The following FREM1 variants were observed in gnomAD, a reference collection of about 807,000 sequenced individuals.
FREM1 encodes the protein FRAS1 related extracellular matrix 1, also known as FRAS1-related extracellular matrix protein 1.
In FREM1, 220 loss-of-function variants were observed where a neutral mutation model predicts 210.1. That is an observed-to-expected ratio of 1.05 (90% CI 0.94 to 1.17). The LOEUF (loss-of-function observed/expected upper bound fraction) is 1.17, where lower values mean the gene tolerates loss of function less well. Among genes scored for constraint, FREM1 ranks in the 50% most tolerant of loss-of-function variants. The pLI, the probability that FREM1 is intolerant of heterozygous loss-of-function variation, is 0.00. For synonymous variants in FREM1, 1,189 were observed against 980.2 expected (o/e 1.21, Z -3.98); for missense variants, 3,454 against 2,675.5 (o/e 1.29, Z -6.42).
intron 25 of FREM1, 89 bp from the exon 26 acceptor site, chr9:14,770,895 T>C (rs1467540049): frequency 3.4e-6 from 3 of 891,348 alleles, no homozygotes; most frequent in Non-Finnish European, 5.3e-6. Flanking sequence ...AATGACACAC[T>C]GTCCCACGTT....
chr9:14,842,201 AT>A, intron 9 of FREM1, 114 bp downstream of exon 9: 1 of 662,422 alleles, frequency 1.5e-6, no homozygotes, highest in Non-Finnish European at 2.6e-6. Flanking sequence ...CAGAAACTTG[AT>A]GTTCACCTTA....
intron 1 of FREM1, among the ~76,000 whole-genome samples, chr9:14,884,180 G>C (rs1002034276): frequency 1.2e-4 from 18 of 152,114 alleles, no homozygotes; most frequent in African/African-American, 3.9e-4. Context: ...AGTGAGCCAA[G>C]ATCGCGCCAC....
At chr9:14,820,169 A>G (rs1821031203) in intron 13 of FREM1, among the ~76,000 whole-genome samples, 1 of 152,208 alleles carries the variant, frequency 6.6e-6, no homozygotes, top group African/African-American at 2.4e-5. Context: ...ATAAGTCTAG[A>G]AAAAAGTTAC....
rs189268567 is a variant in FREM1 at position 14,840,208 on chromosome 9, C to A, written c.1881+1239G>T. Among the ~76,000 whole-genome samples the A allele has an allele frequency of 9.2e-5, 14 of 152,252 alleles. No homozygotes were observed. The East Asian group carries it at 1.9e-3, about 21-fold the overall frequency. Reference sequence around the variant, plus strand: ...GAAGGCATTATGTGACAAATAGGACCCTTGCTTTAAGCAGTCATTCTAGAA... The same window carrying A: ...GAAGGCATTATGTGACAAATAGGACACTTGCTTTAAGCAGTCATTCTAGAA... On this transcript the variant is annotated intron_variant, in intron 10 of 36. Transcript: ENST00000380880.
intron 17 of FREM1, among the ~76,000 whole-genome samples, chr9:14,807,696 CA>C (rs2061751455): frequency 2.0e-5 from 3 of 152,000 alleles, no homozygotes; most frequent in East Asian, 1.9e-4. Context: ...CACACACACA[CA>C]CCCCAACACA....
chr9:14,900,865 G>C (rs1210540345), intron 1 of FREM1, among the ~76,000 whole-genome samples: 1 of 152,134 alleles, frequency 6.6e-6, no homozygotes, highest in East Asian at 1.9e-4. Context: ...TTTGGTAGGA[G>C]GACTCTGGGG....
chr9:14,752,849 CCAAA>C lies in FREM1; in HGVS notation c.5408-2577_5408-2574del, dbSNP rs200424771. ...TAATTTTTTAAAATTATAGTACCCC[CCAAA>C]CAAACAAACAAACAAACAAAAAACA... On this transcript the variant is annotated intron_variant, in intron 29 of 36. Coordinates refer to ENST00000380880, the MANE Select transcript of FREM1 (RefSeq NM_001379081.2). 3.6e-4 allele frequency among the ~76,000 whole-genome samples: 55 copies of C among 151,996 alleles called. 1 individual carries two copies. The South Asian group carries it at 3.7e-3, about 10-fold the overall frequency.
In FREM1 at chr9:14,805,077, G is replaced by A. The variant is rs1818111316; in HGVS notation, c.3350C>T (p.Thr1117Ile). The change falls in exon 19 of 37, where the codon ACT (threonine) becomes ATT (isoleucine). Residue 1117 changes from threonine to isoleucine, a missense_variant. By Grantham distance (89) the Thr-to-Ile change is moderately conservative (BLOSUM62 -1). Coordinates refer to ENST00000380880, the MANE Select transcript of FREM1 (RefSeq NM_001379081.2). Reference protein sequence around the residue: ...VQSRHLRIEPTADQFTVYVTD... With the variant: ...VQSRHLRIEPIADQFTVYVTD... ...GACGTACACCGTGAACTGGTCGGCA[G>A]TTGGTTCTATCCTCAGATGCCTGGA... 1 of 1,613,170 alleles carries A rather than the reference G, an allele frequency of 6.2e-7. No individual in the cohort carries two copies.
intron 1 of FREM1, among the ~76,000 whole-genome samples, chr9:14,904,507 T>C (rs1244313774): frequency 6.6e-6 from 1 of 151,572 alleles, no homozygotes; most frequent in Admixed American, 6.6e-5. Context: ...TGCATATGTA[T>C]GGAAAAGAGC....
At chr9:14,754,594 C>T (rs980035583) in intron 29 of FREM1, among the ~76,000 whole-genome samples, 1 of 152,044 alleles carries the variant, frequency 6.6e-6, no homozygotes, top group African/African-American at 2.4e-5. Flanking sequence ...TGAGGTCATA[C>T]TGGAATAAGG....
At chr9:14,874,426 CTTCT>C (rs1390550088) in intron 1 of FREM1, among the ~76,000 whole-genome samples, 1 of 150,192 alleles carries the variant, frequency 6.7e-6, no homozygotes, top group Non-Finnish European at 1.5e-5. Context: ...ATGTAATGGC[CTTCT>C]TTGTCTCTTT....
At chr9:14,861,278 C>CATATATACATATATACAT (rs1201450310) in intron 3 of FREM1, among the ~76,000 whole-genome samples, 2 of 78,636 alleles carry the variant, frequency 2.5e-5, no homozygotes, top group Non-Finnish European at 4.4e-5. Flanking sequence ...CACATATATA[C>CATATATACATATATACAT]ATATATACAT....
intron 27 of FREM1, among the ~76,000 whole-genome samples, chr9:14,768,293 C>T (rs1180681040): frequency 1.4e-5 from 2 of 147,230 alleles, no homozygotes; most frequent in Non-Finnish European, 1.5e-5. Context: ...AAAGTGAAGT[C>T]CACGTATTAA....
At chr9:14,794,795 C>T (rs141244535) in intron 21 of FREM1, among the ~76,000 whole-genome samples, 11 of 151,770 alleles carry the variant, frequency 7.2e-5, no homozygotes, top group Non-Finnish European at 1.6e-4. Flanking sequence ...GTCAGGAGAT[C>T]GAGACCATAC....
At chr9:14,906,059 T>G (rs1189145098) in intron 1 of FREM1, among the ~76,000 whole-genome samples, 2 of 152,220 alleles carry the variant, frequency 1.3e-5, no homozygotes, top group South Asian at 2.1e-4. Context: ...TTAAGTCGCT[T>G]GCCATGTTTG....
chr9:14,833,517 C>T (rs1823972707), intron 10 of FREM1, among the ~76,000 whole-genome samples: 1 of 152,200 alleles, frequency 6.6e-6, no homozygotes. Flanking sequence ...GTTTCAAAAG[C>T]TGCCTATCAC....
At chr9:14,803,102 TTCCC>T (rs201229823) in intron 19 of FREM1, among the ~76,000 whole-genome samples, 3,958 of 145,478 alleles carry the variant, frequency 0.027, 75 homozygotes, top group Non-Finnish European at 0.036. Flanking sequence ...CTTCTTCTCT[TTCCC>T]TCCCTCCCTC....
rs1834819964 is a variant in FREM1 at position 14,881,704 on chromosome 9, C to T, written c.-267-12460G>A. ...TCCCACAACATCCAACCTCACCTTC[C>T]TCCATAGAAATAAAAATTTTAACTA... On this transcript the variant is annotated intron_variant, in intron 1 of 36. Transcript: ENST00000380880. Among the ~76,000 whole-genome samples the T allele has an allele frequency of 2.6e-5, 4 of 152,302 alleles. No homozygotes were observed. In the South Asian group the frequency reaches 8.3e-4, roughly 32 times the overall value.
intron 4 of FREM1, among the ~76,000 whole-genome samples, chr9:14,858,598 T>A (rs552446936): frequency 6.6e-6 from 1 of 152,154 alleles, no homozygotes; most frequent in Non-Finnish European, 1.5e-5. Flanking sequence ...TTCAAAGTAT[T>A]ACTACTATTG....
Sources: gnomAD v4.1 joint callset for allele counts (sites outside exome capture counted in the v4.1 genomes callset) on GRCh38, gnomAD v4.1.1 for gene constraint, MANE v1.5 for transcripts, NCBI Gene and HGNC (gene_info 2026-07-23, HGNC 2026-07-21) for gene names.